The following ATF6 variants were observed in gnomAD, a reference collection of about 807,000 sequenced individuals.
ATF6 encodes the protein cyclic AMP-dependent transcription factor ATF-6 alpha.
A neutral mutation model predicts 83.6 loss-of-function variants in ATF6; 53 were observed. The ratio of observed to expected loss-of-function variants is 0.63; its 90% CI spans 0.51 to 0.80. The LOEUF (loss-of-function observed/expected upper bound fraction) is 0.80, where lower values mean the gene tolerates loss of function less well. Among genes scored for constraint, ATF6 ranks in the 30% least tolerant of loss-of-function variants. The pLI, the probability that ATF6 is intolerant of heterozygous loss-of-function variation, is 0.00. For synonymous variants in ATF6, 288 were observed against 285.8 expected (o/e 1.01, Z -0.08); for missense variants, 744 against 797.9 (o/e 0.93, Z 0.81).
intron 4 of ATF6, among the ~76,000 whole-genome samples, chr1:161,788,953 T>C (rs1684809104): frequency 6.6e-6 from 1 of 152,128 alleles, no homozygotes; most frequent in South Asian, 2.1e-4. Flanking sequence ...GTAATTGTTA[T>C]TGCTATTGTG....
At chr1:161,923,657 A>G (rs1475964869) in intron 15 of ATF6, among the ~76,000 whole-genome samples, 1 of 152,190 alleles carries the variant, frequency 6.6e-6, no homozygotes, top group African/African-American at 2.4e-5. Flanking sequence ...TTCCATGAAT[A>G]GTTTATATTC....
chr1:161,795,299 T>G (rs188933290), intron 6 of ATF6, among the ~76,000 whole-genome samples: 15 of 152,132 alleles, frequency 9.9e-5, no homozygotes, highest in African/African-American at 3.4e-4. Flanking sequence ...GAAAAGGAGA[T>G]TAATAATAAT....
At chr1:161,883,022 T>C (rs1687351298) in intron 14 of ATF6, among the ~76,000 whole-genome samples, 1 of 151,962 alleles carries the variant, frequency 6.6e-6, no homozygotes, top group Non-Finnish European at 1.5e-5. Flanking sequence ...AAATTCATTC[T>C]TTCCCCCAAC....
At chr1:161,915,853 G>A (rs545299441) in intron 15 of ATF6, among the ~76,000 whole-genome samples, 13 of 152,022 alleles carry the variant, frequency 8.6e-5, no homozygotes, top group African/African-American at 2.9e-4. Context: ...GAACTCCTAG[G>A]CTCAAGTGAT....
intron 1 of ATF6, among the ~76,000 whole-genome samples, chr1:161,766,686 G>A (rs1404693199): frequency 6.6e-6 from 1 of 152,174 alleles, no homozygotes; most frequent in African/African-American, 2.4e-5. Flanking sequence ...TATTCCCACT[G>A]GGGAAGTACC....
chr1:161,939,180 A>C (rs983645121), intron 15 of ATF6, among the ~76,000 whole-genome samples: 1 of 151,946 alleles, frequency 6.6e-6, no homozygotes, highest in Non-Finnish European at 1.5e-5. Flanking sequence ...TTTCACTGAG[A>C]CCTCCTGTCT....
At chr1:161,917,663 G>A (rs750436592) in intron 15 of ATF6, among the ~76,000 whole-genome samples, 9 of 151,958 alleles carry the variant, frequency 5.9e-5, no homozygotes, top group Non-Finnish European at 1.3e-4. Flanking sequence ...CTCGTGATCC[G>A]CCCACCTCGG....
At chr1:161,881,458 C>G (rs1449499382) in intron 14 of ATF6, among the ~76,000 whole-genome samples, 1 of 152,144 alleles carries the variant, frequency 6.6e-6, no homozygotes, top group Non-Finnish European at 1.5e-5. Context: ...AACATGACAA[C>G]TTGCTTCATG....
At chr1:161,803,730 T>C (rs1041482164) in intron 7 of ATF6, among the ~76,000 whole-genome samples, 1 of 152,196 alleles carries the variant, frequency 6.6e-6, no homozygotes, top group African/African-American at 2.4e-5. Flanking sequence ...TCTGTGATAT[T>C]TTCAATTAAA....
intron 15 of ATF6, among the ~76,000 whole-genome samples, chr1:161,919,604 T>C (rs539291393): frequency 8.9e-4 from 136 of 152,374 alleles, no homozygotes; most frequent in African/African-American, 3.1e-3. Context: ...CATCAGCAGA[T>C]ATGTTTCATA....
At chr1:161,804,318 A>G (rs1408898577) in intron 7 of ATF6, among the ~76,000 whole-genome samples, 3 of 152,168 alleles carry the variant, frequency 2.0e-5, no homozygotes, top group South Asian at 2.1e-4. Context: ...TTAAAAATAC[A>G]TAGGTCAACA....
chr1:161,901,798 C>G (rs1012358463), intron 14 of ATF6, among the ~76,000 whole-genome samples: 17 of 152,076 alleles, frequency 1.1e-4, no homozygotes, highest in African/African-American at 3.4e-4. Flanking sequence ...AAAGCCATAT[C>G]AGTGATACTT....
At chr1:161,882,274 T>C (rs1005278582) in intron 14 of ATF6, among the ~76,000 whole-genome samples, 1 of 152,042 alleles carries the variant, frequency 6.6e-6, no homozygotes, top group Non-Finnish European at 1.5e-5. Flanking sequence ...ATAACAAAAG[T>C]GTAATGGGTA....
intron 7 of ATF6, among the ~76,000 whole-genome samples, chr1:161,805,757 A>G (rs1255256512): frequency 3.9e-5 from 6 of 152,098 alleles, no homozygotes; most frequent in South Asian, 4.1e-4. Flanking sequence ...ATTTTTTATC[A>G]TATACCTTTT....
At chr1:161,954,062 G>A (rs1050827290) in intron 15 of ATF6, among the ~76,000 whole-genome samples, 5 of 152,126 alleles carry the variant, frequency 3.3e-5, no homozygotes, top group Non-Finnish European at 7.4e-5. Context: ...GAGGGGGTTT[G>A]TTTGTTTGCC....
At chr1:161,931,950 G>A (rs1306445104) in intron 15 of ATF6, among the ~76,000 whole-genome samples, 2 of 152,110 alleles carry the variant, frequency 1.3e-5, no homozygotes, top group African/African-American at 2.4e-5. Context: ...AGCCTGAAAT[G>A]AATACTTTAT....
At chr1:161,849,855 T>C (rs975280537) in intron 10 of ATF6, among the ~76,000 whole-genome samples, 1 of 152,212 alleles carries the variant, frequency 6.6e-6, no homozygotes, top group African/African-American at 2.4e-5. Flanking sequence ...ACATGTGCAC[T>C]GTGGAACTCA....
chr1:161,909,796 A>C (rs1239377703), intron 14 of ATF6, among the ~76,000 whole-genome samples: 1 of 152,152 alleles, frequency 6.6e-6, no homozygotes, highest in African/African-American at 2.4e-5. Context: ...CTCTACTAAA[A>C]ATACAAAAAA....
chr1:161,829,188 A>ATTTTTTTTT (rs1474053685), intron 9 of ATF6, among the ~76,000 whole-genome samples: 17 of 115,594 alleles, frequency 1.5e-4, no homozygotes, highest in Admixed American at 4.5e-4. Flanking sequence ...ATAATGGGAG[A>ATTTTTTTTT]CTTTTTTTTT....
Sources: allele counts gnomAD v4.1 joint callset (sites outside exome capture counted in the v4.1 genomes callset), GRCh38; gene constraint gnomAD v4.1.1; transcripts MANE v1.5; gene names NCBI Gene and HGNC (gene_info 2026-07-23, HGNC 2026-07-21).